Variants in KANK1 observed in about 807,000 individuals in gnomAD.
KANK1 encodes KN motif and ankyrin repeat domains 1.
KANK1 carries 109 observed loss-of-function variants against 106.2 expected under a neutral mutation model. The ratio of observed to expected loss-of-function variants is 1.03; its 90% CI spans 0.88 to 1.20. The LOEUF (loss-of-function observed/expected upper bound fraction) is 1.20. Among genes scored for constraint, KANK1 ranks in the 50% most tolerant of loss-of-function variants. KANK1 has a pLI of 0.00. For missense variants in KANK1, 2,399 were observed against 1,710.7 expected (o/e 1.40, Z -7.10); for synonymous variants, 873 against 652.2 (o/e 1.34, Z -5.16).
rs780711832 is a variant in KANK1 at position 698,230 on chromosome 9, A to G, written c.38-12574A>G. On this transcript the variant is annotated intron_variant, in intron 2 of 11. Coordinates refer to ENST00000382297, the MANE Select transcript of KANK1 (RefSeq NM_015158.5). ...TGGCTGTCAGGGTCGGTGTTGTCTT[A>G]GCCTCACAGGCATTTTCAGTCCTTG... is the stretch of plus-strand genomic sequence containing the variant. Among the ~76,000 whole-genome samples, 41 of 152,226 alleles carry G rather than the reference A, an allele frequency of 2.7e-4. 1 individual carries two copies. The highest frequency in any genetic ancestry group is 4.6e-4 in the Non-Finnish European group (31 of 68,024).
In KANK1 at chr9:694,220, A is replaced by G. The variant is rs1013316760; in HGVS notation, c.38-16584A>G. On this transcript the variant is annotated intron_variant, in intron 2 of 11. Coordinates refer to ENST00000382297, the MANE Select transcript of KANK1 (RefSeq NM_015158.5). ...TTCATACAAATACTAGCTTTCCACT[A>G]CCACCCCACCTCCCCCTGGCCAAAA... Among the ~76,000 whole-genome samples, 4 of 152,094 alleles carry G rather than the reference A, an allele frequency of 2.6e-5. No individual in the cohort carries two copies. The East Asian group carries it at 7.7e-4, about 29-fold the overall frequency.
intron 3 of KANK1, among the ~76,000 whole-genome samples, chr9:492,636 TAA>T (rs1427828069): frequency 2.0e-5 from 3 of 152,198 alleles, no homozygotes; most frequent in Non-Finnish European, 2.9e-5. Flanking sequence ...TTGAAAAGTT[TAA>T]GATTAAATAT....
At chr9:569,105 C>T (rs1818540045) in intron 1 of KANK1, among the ~76,000 whole-genome samples, 1 of 152,090 alleles carries the variant, frequency 6.6e-6, no homozygotes, top group Non-Finnish European at 1.5e-5. Flanking sequence ...TCAGTATCTG[C>T]CTGACACACT....
Position 629,972 on chromosome 9 carries a change from G to C in KANK1, c.-83-46918G>C, listed in dbSNP as rs181467499. On this transcript the variant is annotated intron_variant, in intron 1 of 11. Transcript: ENST00000382297. ...TAATAAGAATAAAAGTGAAGGCCAG[G>C]CGCACTGGCTCACGCCTGTAATCCC... 2.9e-3 allele frequency among the ~76,000 whole-genome samples: 448 copies of C among 152,348 alleles called. 1 individual carries two copies. Among genetic ancestry groups the C allele is most frequent in the African/African-American group, 0.011 (438 of 41,578 alleles).
At chr9:722,809 C>G (rs1829706033) in intron 3 of KANK1, among the ~76,000 whole-genome samples, 1 of 152,198 alleles carries the variant, frequency 6.6e-6, no homozygotes, top group African/African-American at 2.4e-5. Context: ...TTATTAAAGG[C>G]TCTCAATGGT....
At chr9:621,901 A>T (rs1445453105) in intron 1 of KANK1, among the ~76,000 whole-genome samples, 3 of 152,144 alleles carry the variant, frequency 2.0e-5, no homozygotes, top group Admixed American at 2.0e-4. Flanking sequence ...CAAATGCTCC[A>T]CCAAAGGGCT....
chr9:585,220 T>C (rs749350104), intron 1 of KANK1, among the ~76,000 whole-genome samples: 1 of 152,202 alleles, frequency 6.6e-6, no homozygotes, highest in Non-Finnish European at 1.5e-5. Flanking sequence ...TCAACCATCA[T>C]CTTCAGGTAA....
intron 1 of KANK1, among the ~76,000 whole-genome samples, chr9:527,305 G>C (rs1386307197): frequency 1.3e-5 from 2 of 151,654 alleles, no homozygotes; most frequent in South Asian, 2.1e-4. Flanking sequence ...TTGTTTGTTT[G>C]TTTGTTTGTT....
At chr9:488,737 C>G (rs1248096819) in intron 3 of KANK1, among the ~76,000 whole-genome samples, 3 of 152,166 alleles carry the variant, frequency 2.0e-5, no homozygotes, top group Non-Finnish European at 2.9e-5. Context: ...TCAGGATTCA[C>G]TCTTACTGCT....
At chr9:693,729 T>C (rs1334257870) in intron 2 of KANK1, 8 of 985,288 alleles carry the variant, frequency 8.1e-6, no homozygotes, top group Non-Finnish European at 8.4e-6. Context: ...TGAGGGAAGT[T>C]TGCCTGAGAC....
chr9:553,147 CAAA>C lies in KANK1; in HGVS notation c.-84+48396_-84+48398del, dbSNP rs201999462. ...GGTGACAGACAGCGAGACCCTGTCTCAAAAAGAATGCAATTGTAATTTTGTCAC... is the reference window on the plus strand; with the variant it reads ...GGTGACAGACAGCGAGACCCTGTCTCAAGAATGCAATTGTAATTTTGTCAC... On this transcript the variant is annotated intron_variant, in intron 1 of 11. Coordinates refer to ENST00000382297, the MANE Select transcript of KANK1 (RefSeq NM_015158.5). Among the ~76,000 whole-genome samples, 527 of 152,108 alleles carry C rather than the reference CAAA, an allele frequency of 3.5e-3. 1 individual carries two copies. The highest frequency in any genetic ancestry group is 0.012 in the African/African-American group (498 of 41,496).
At chr9:536,583 A>C (rs1477391438) in intron 1 of KANK1, among the ~76,000 whole-genome samples, 1 of 152,134 alleles carries the variant, frequency 6.6e-6, no homozygotes, top group African/African-American at 2.4e-5. Flanking sequence ...TACGCCTGAC[A>C]TTTCTTCTGG....
At chr9:707,320 G>A (rs1014279091) in intron 2 of KANK1, 38 of 805,810 alleles carry the variant, frequency 4.7e-5, no homozygotes, top group Middle Eastern at 6.2e-4. Flanking sequence ...AGGGGGGCCG[G>A]CCGGGAAGGT....
At chr9:644,032 A>G (rs190049284) in intron 1 of KANK1, among the ~76,000 whole-genome samples, 3 of 150,926 alleles carry the variant, frequency 2.0e-5, no homozygotes. Flanking sequence ...GAGAAAATGT[A>G]TGTCCTAGTG....
chr9:614,694 T>G (rs1279958390), intron 1 of KANK1, among the ~76,000 whole-genome samples: 5 of 152,040 alleles, frequency 3.3e-5, no homozygotes, highest in Non-Finnish European at 7.4e-5. Flanking sequence ...CCTCCTGGGG[T>G]GGGGCCAGTA....
chr9:693,442 G>T (rs1365168925), intron 2 of KANK1: 1 of 985,304 alleles, frequency 1.0e-6, no homozygotes, highest in Non-Finnish European at 1.2e-6. Context: ...GCTTACAGCT[G>T]CATTTCTAGG....
Position 647,371 on chromosome 9 carries a change from T to A in KANK1, c.-83-29519T>A, listed in dbSNP as rs1839905339. Among the ~76,000 whole-genome samples the A allele has an allele frequency of 1.3e-5, 2 of 150,922 alleles. 1 individual carries two copies. The highest frequency in any genetic ancestry group is 4.1e-4 in the South Asian group (2 of 4,836). ...TATAAATGACTATACTGTGTTGTAG[T>A]TTTATTATATTTATGACATATGAGA... On this transcript the variant is annotated intron_variant, in intron 1 of 11. Transcript: ENST00000382297.
chr9:638,184 G>A (rs1235857798), intron 1 of KANK1, among the ~76,000 whole-genome samples: 1 of 152,120 alleles, frequency 6.6e-6, no homozygotes, highest in Non-Finnish European at 1.5e-5. Context: ...TAGTTTCTTA[G>A]CCCATTTTCT....
At chr9:596,999 A>G (rs1257356321) in intron 1 of KANK1, among the ~76,000 whole-genome samples, 1 of 151,930 alleles carries the variant, frequency 6.6e-6, no homozygotes, top group East Asian at 1.9e-4. Flanking sequence ...GTTCTCATAC[A>G]ATATGTGACC....
Sources: allele counts gnomAD v4.1 joint callset (sites outside exome capture counted in the v4.1 genomes callset), GRCh38; gene constraint gnomAD v4.1.1; transcripts MANE v1.5; gene names NCBI Gene and HGNC (gene_info 2026-07-23, HGNC 2026-07-21).